Variants in FAM13B observed in about 807,000 individuals in gnomAD.
FAM13B encodes family with sequence similarity 13 member B.
A neutral mutation model predicts 117.3 loss-of-function variants in FAM13B; 60 were observed. The observed-to-expected ratio is 0.51, with a 90% CI of 0.42 to 0.63. FAM13B has a LOEUF of 0.63. Ranked by LOEUF, FAM13B falls within the 30% of genes least tolerant of loss-of-function variation. FAM13B has a pLI of 0.00. For synonymous variants in FAM13B, 332 were observed against 356.1 expected (o/e 0.93, Z 0.76); for missense variants, 972 against 1,091.9 (o/e 0.89, Z 1.55).
chr5:137,985,193 CATCAAAGAAACACATGAAGCA>C, intron 10 of FAM13B, 43 bp downstream of exon 10: 1 of 1,508,098 alleles, frequency 6.6e-7, no homozygotes, highest in Non-Finnish European at 9.0e-7. Context: ...TAACTTCTGG[CATCAAAGAAACACATGAAGCA>C]ATCAAAGTTG....
intron 18 of FAM13B, 84 bp downstream of exon 18, chr5:137,948,871 A>C: frequency 9.9e-7 from 1 of 1,011,914 alleles, no homozygotes. Flanking sequence ...CAGACTACCT[A>C]GACATCTCTA....
chr5:137,946,194 T>C (rs1763378347), intron 19 of FAM13B, 34 bp downstream of exon 19: 3 of 1,532,130 alleles, frequency 2.0e-6, no homozygotes, highest in South Asian at 2.4e-5. Flanking sequence ...TTTTAAGACA[T>C]AAAATCAAAT....
chr5:138,039,741 G>C (rs149096673), intron 1 of FAM13B: 1 of 151,868 alleles, frequency 6.6e-6, no homozygotes, highest in Non-Finnish European at 1.5e-5. Context: ...TAGCCTTCAG[G>C]CACCTTCCAT....
intron 12 of FAM13B, 45 bp from the exon 13 acceptor site, chr5:137,959,808 T>C: frequency 1.9e-6 from 3 of 1,590,478 alleles, no homozygotes; most frequent in South Asian, 1.1e-5. Context: ...ACGGAAGCTT[T>C]TCACACCCAG....
intron 1 of FAM13B, among the ~76,000 whole-genome samples, chr5:138,048,392 A>G (rs1356531120): frequency 6.6e-6 from 1 of 152,214 alleles, no homozygotes; most frequent in African/African-American, 2.4e-5. Context: ...AGTGGAGGGT[A>G]CAGAACTTAT....
Position 137,949,164 on chromosome 5 carries a change from C to A in FAM13B, c.1951G>T (p.Asp651Tyr), listed in dbSNP as rs1342201080. 1 of 1,613,974 alleles carries A rather than the reference C, an allele frequency of 6.2e-7. No homozygotes were observed. The highest frequency in any genetic ancestry group is 1.3e-5 in the African/African-American group (1 of 75,016). The change falls in exon 18 of 24, where the codon GAT (aspartate) becomes TAT (tyrosine). Residue 651 changes from aspartate to tyrosine, a missense_variant. Asp to Tyr is a radical substitution (Grantham distance 160). Coordinates refer to ENST00000689681, the MANE Select transcript of FAM13B (RefSeq NM_001385994.1). The stretch of plus-strand genomic sequence containing the variant: ...CGTGTCTGAGGTACAAATTCTCCAT[C>A]AGAATTTTTGTGTTTTGCATCTACA... The part of the protein sequence containing the change: ...QIKDAKHKNS[D>Y]GEFVPQTRPR...
At chr5:138,028,411 G>A (rs546330704) in intron 1 of FAM13B, among the ~76,000 whole-genome samples, 1 of 152,196 alleles carries the variant, frequency 6.6e-6, no homozygotes, top group Non-Finnish European at 1.5e-5. Flanking sequence ...GGGGTATTAT[G>A]CGTAATTCTA....
intron 1 of FAM13B, among the ~76,000 whole-genome samples, chr5:138,023,362 C>T (rs1170543224): frequency 2.0e-5 from 3 of 152,160 alleles, no homozygotes; most frequent in Non-Finnish European, 4.4e-5. Context: ...GTTCCATGCA[C>T]TTTACATGTA....
intron 18 of FAM13B, among the ~76,000 whole-genome samples, chr5:137,947,587 CT>C (rs753491185): frequency 6.2e-4 from 90 of 145,468 alleles, no homozygotes; most frequent in Non-Finnish European, 6.2e-4. Flanking sequence ...AAAAAAATTT[CT>C]TTTTTTTTTT....
chr5:138,009,573 G>A (rs1401967414), intron 6 of FAM13B, among the ~76,000 whole-genome samples: 1 of 152,142 alleles, frequency 6.6e-6, no homozygotes, highest in East Asian at 1.9e-4. Flanking sequence ...GGGAGGTAGA[G>A]GTGGGTGGAT....
At chr5:137,961,376 T>A (rs1055272100) in intron 11 of FAM13B, among the ~76,000 whole-genome samples, 1 of 152,132 alleles carries the variant, frequency 6.6e-6, no homozygotes, top group Non-Finnish European at 1.5e-5. Context: ...TGGGTCCTTA[T>A]TGTTCTACCA....
chr5:137,947,117 G>C (rs73299210), intron 18 of FAM13B, among the ~76,000 whole-genome samples: 1 of 152,004 alleles, frequency 6.6e-6, no homozygotes, highest in Non-Finnish European at 1.5e-5. Context: ...TGTCCCCTTC[G>C]TTCTATAGGA....
chr5:137,991,684 AGT>A (rs1298721109), intron 7 of FAM13B, among the ~76,000 whole-genome samples: 1 of 152,212 alleles, frequency 6.6e-6, no homozygotes, highest in Non-Finnish European at 1.5e-5. Context: ...GGGAAATGGC[AGT>A]GTTTTAAAAA....
chr5:137,942,641 G>A, intron 22 of FAM13B: 1 of 458,850 alleles, frequency 2.2e-6, no homozygotes, highest in Admixed American at 4.0e-5. Flanking sequence ...GGGATTATAG[G>A]CATGAGCCAC....
rs1326614427 is a variant in FAM13B at position 137,982,543 on chromosome 5, A to AC, written c.1179+2713dup. On this transcript the variant is annotated intron_variant, in intron 10 of 23. Transcript: ENST00000689681. ...CTCAAAAACAACAACAACAACAACAACAACCTTCATTCCAGAAGTATCTAC... is the reference window on the plus strand; with the variant it reads ...CTCAAAAACAACAACAACAACAACAACCAACCTTCATTCCAGAAGTATCTAC... 1.6e-4 allele frequency among the ~76,000 whole-genome samples: 23 copies of AC among 144,708 alleles called. No homozygotes were observed. The East Asian group carries it at 2.9e-3, about 18-fold the overall frequency. 94.9% of individuals were successfully genotyped at this position (144,708 alleles called of 152,430 possible). A position where few individuals can be genotyped will look rare whatever the true frequency, so the allele number is the denominator to read the frequency against.
intron 1 of FAM13B, among the ~76,000 whole-genome samples, chr5:138,025,948 C>A (rs183860396): frequency 6.6e-6 from 1 of 152,316 alleles, no homozygotes; most frequent in Non-Finnish European, 1.5e-5. Flanking sequence ...ACGTACCTTT[C>A]TTAATAGCAC....
At chr5:137,992,754 G>A (rs1164574047) in intron 7 of FAM13B, among the ~76,000 whole-genome samples, 1 of 152,204 alleles carries the variant, frequency 6.6e-6, no homozygotes. Context: ...TGTTGGCAAG[G>A]ATGTGAAACA....
chr5:137,965,878 C>A (rs1455725386), intron 10 of FAM13B, among the ~76,000 whole-genome samples: 1 of 152,070 alleles, frequency 6.6e-6, no homozygotes, highest in Non-Finnish European at 1.5e-5. Flanking sequence ...AATGAAGGTA[C>A]CCTGAAATGA....
At chr5:138,019,732 T>C (rs564698411) in intron 2 of FAM13B, 6 of 152,256 alleles carry the variant, frequency 3.9e-5, no homozygotes, top group Non-Finnish European at 5.9e-5. Context: ...CAGGCTGCAG[T>C]GCAGTGGCAT....
Sources: allele counts gnomAD v4.1 joint callset (sites outside exome capture counted in the v4.1 genomes callset), GRCh38; gene constraint gnomAD v4.1.1; transcripts MANE v1.5; gene names NCBI Gene and HGNC (gene_info 2026-07-23, HGNC 2026-07-21).